LCORL: variants seen among roughly 807,000 people sequenced by gnomAD.
The protein encoded by LCORL is ligand-dependent nuclear receptor corepressor-like protein.
LCORL carries 41 observed loss-of-function variants against 141.8 expected under a neutral mutation model. The ratio of observed to expected loss-of-function variants is 0.29; its 90% CI spans 0.23 to 0.38. LCORL has a LOEUF of 0.38. Ranked by LOEUF, LCORL falls within the 10% of genes least tolerant of loss-of-function variation. The pLI, the probability that LCORL is intolerant of heterozygous loss-of-function variation, is 1.00. For synonymous variants in LCORL, 618 were observed against 694.1 expected (o/e 0.89, Z 1.72); for missense variants, 1,759 against 2,035.0 (o/e 0.86, Z 2.61).
chr4:17,908,325 C>T (rs1054194649), intron 5 of LCORL, among the ~76,000 whole-genome samples: 1 of 152,206 alleles, frequency 6.6e-6, no homozygotes, highest in African/African-American at 2.4e-5. Context: ...AGCCAGCGCG[C>T]CTGGCCTAAC....
At chr4:17,976,053 TTGTGTCTAC>T (rs1488588324) in intron 1 of LCORL, among the ~76,000 whole-genome samples, 1 of 152,190 alleles carries the variant, frequency 6.6e-6, no homozygotes, top group African/African-American at 2.4e-5. Context: ...CCTTGTTCTA[TTGTGTCTAC>T]TGTTATATCA....
chr4:17,852,076 A>T (rs1023078527), intron 7 of LCORL, among the ~76,000 whole-genome samples: 1 of 152,060 alleles, frequency 6.6e-6, no homozygotes, highest in South Asian at 2.1e-4. Flanking sequence ...ATTAGTTTAT[A>T]TCTCTTATGG....
exon 4 of LCORL, chr4:17,961,940 T>C (rs1233364886): frequency 6.2e-7 from 1 of 1,610,882 alleles, no homozygotes; most frequent in Non-Finnish European, 8.5e-7. Flanking sequence ...AATTTTCTGC[T>C]TGGCATTCAA....
Position 17,884,121 on chromosome 4 carries a change from C to T in LCORL, c.776+1947G>A, listed in dbSNP as rs1449055918. The T allele has an allele frequency of 6.4e-7, 1 of 1,550,678 alleles. No individual in the cohort carries two copies. The highest frequency in any genetic ancestry group is 8.7e-7 in the Non-Finnish European group (1 of 1,146,380). Reference sequence around the variant, plus strand: ...TAAGAGTCAACACTTGAGTGAGTTACAGGCCCAGAACATTCTATTTTGTTC... The same window carrying T: ...TAAGAGTCAACACTTGAGTGAGTTATAGGCCCAGAACATTCTATTTTGTTC... On this transcript the variant is annotated intron_variant, in intron 6 of 7. Coordinates refer to ENST00000635767, the Ensembl canonical transcript of LCORL. This position sits in a 1 kb window ranked among gnomAD's most constrained non-coding sequence, Gnocchi z 4.4.
chr4:17,850,425 A>C (rs1183507161), intron 7 of LCORL, among the ~76,000 whole-genome samples: 1 of 151,532 alleles, frequency 6.6e-6, no homozygotes, highest in Non-Finnish European at 1.5e-5. Flanking sequence ...GAACTCAAAC[A>C]AATTTACAAG....
chr4:18,005,875 G>A lies in LCORL; in HGVS notation c.154+15723C>T, dbSNP rs551712713. Among the ~76,000 whole-genome samples, 343 of 152,296 alleles carry A rather than the reference G, an allele frequency of 2.3e-3. 1 individual carries two copies. Among genetic ancestry groups the A allele is most frequent in the South Asian group, 5.6e-3 (27 of 4,820 alleles). On this transcript the variant is annotated intron_variant, in intron 1 of 7. Transcript: ENST00000635767. The stretch of plus-strand genomic sequence containing the variant: ...TGGGCCTGTGATGGCAGGGGCTTCC[G>A]TGAAGACCTCTGACATGCCCTGGAG...
At chr4:18,009,817 T>G (rs1205680451) in intron 1 of LCORL, among the ~76,000 whole-genome samples, 1 of 152,040 alleles carries the variant, frequency 6.6e-6, no homozygotes, top group East Asian at 1.9e-4. Context: ...GGAGAGGTGC[T>G]CCTTACCCTT....
rs1445651575 is a variant in LCORL, at chr4:18,021,145, G to C, written c.154+453C>G. Among the ~76,000 whole-genome samples, 1 of 152,000 alleles carries C rather than the reference G, an allele frequency of 6.6e-6. No homozygotes were observed. The highest frequency in any genetic ancestry group is 1.9e-4 in the East Asian group (1 of 5,168). On this transcript the variant is annotated intron_variant, in intron 1 of 7. Coordinates refer to ENST00000635767, the Ensembl canonical transcript of LCORL. This position sits in a 1 kb window ranked among gnomAD's most constrained non-coding sequence, Gnocchi z 5.5. ...CCCGGCCCCCGGCGGCGACAAGGGG[G>C]TGTGTGTGCGCTCGGCGGGGGCGCG...
chr4:17,844,800 C>T (rs1353154954), exon 8 of LCORL: 1 of 152,340 alleles, frequency 6.6e-6, no homozygotes, highest in Admixed American at 6.5e-5. Flanking sequence ...GAGCCATGTT[C>T]TCATGTGGTT....
At chr4:18,014,097 C>T (rs539384538) in intron 1 of LCORL, among the ~76,000 whole-genome samples, 2 of 152,068 alleles carry the variant, frequency 1.3e-5, no homozygotes, top group South Asian at 2.1e-4. Context: ...GATGGGCCAC[C>T]GTGCCCGGCC....
chr4:17,989,299 T>C (rs1275776729), intron 1 of LCORL, among the ~76,000 whole-genome samples: 2 of 152,250 alleles, frequency 1.3e-5, no homozygotes, highest in Non-Finnish European at 2.9e-5. Flanking sequence ...CATACTATAC[T>C]TGTCATAGAT....
intron 4 of LCORL, among the ~76,000 whole-genome samples, chr4:17,945,834 A>T (rs542757394): frequency 1.8e-4 from 28 of 151,994 alleles, no homozygotes; most frequent in Non-Finnish European, 3.7e-4. Flanking sequence ...TAGGCAAAAT[A>T]ATTGTCACAG....
At chr4:17,989,280 T>C (rs1719560225) in intron 1 of LCORL, among the ~76,000 whole-genome samples, 1 of 152,268 alleles carries the variant, frequency 6.6e-6, no homozygotes, top group Non-Finnish European at 1.5e-5. Context: ...TTCTAACATT[T>C]TGAAGTCACA....
At chr4:17,912,066 C>A in intron 4 of LCORL, 1 of 705,184 alleles carries the variant, frequency 1.4e-6, no homozygotes, top group South Asian at 1.4e-5. Context: ...GACCCCAGGT[C>A]AGAGACTGGA....
exon 7 of LCORL, chr4:17,877,005 G>A: frequency 4.1e-6 from 5 of 1,230,520 alleles, no homozygotes; most frequent in Non-Finnish European, 5.1e-6. Flanking sequence ...TTTGTCTGAT[G>A]AAGATATCTC....
rs1727985330 is a variant in LCORL at position 17,884,223 on chromosome 4, T to C, written c.776+1845A>G. On this transcript the variant is annotated intron_variant, in intron 6 of 7. Transcript: ENST00000635767. This position sits in a 1 kb window ranked among gnomAD's most constrained non-coding sequence, Gnocchi z 4.4. ...GAAGAGGTTTTGGAAACTTGATACA[T>C]AACATCCAACAGACCAGAACCATCA... is the stretch of plus-strand genomic sequence containing the variant. 1 of 1,549,976 alleles carries C rather than the reference T, an allele frequency of 6.5e-7. No homozygotes were observed. The highest frequency in any genetic ancestry group is 2.4e-5 in the East Asian group (1 of 40,888).
intron 4 of LCORL, among the ~76,000 whole-genome samples, chr4:17,945,914 T>A (rs1298818544): frequency 6.6e-6 from 1 of 151,872 alleles, no homozygotes; most frequent in African/African-American, 2.4e-5. Context: ...TTTAAACACA[T>A]TTAAATACCA....
intron 1 of LCORL, among the ~76,000 whole-genome samples, chr4:17,986,824 G>A (rs1719056678): frequency 6.6e-6 from 1 of 151,952 alleles, no homozygotes; most frequent in Non-Finnish European, 1.5e-5. Flanking sequence ...AAGAATTCAG[G>A]CATAGTTTTA....
chr4:17,879,971 T>C (rs1056100022), intron 6 of LCORL, among the ~76,000 whole-genome samples: 28 of 151,096 alleles, frequency 1.9e-4, no homozygotes, highest in African/African-American at 6.8e-4. Flanking sequence ...TCTGAAACAA[T>C]GTTATAATAC....
Sources: allele counts gnomAD v4.1 joint callset (sites outside exome capture counted in the v4.1 genomes callset), GRCh38; gene constraint gnomAD v4.1.1; non-coding constraint Gnocchi (gnomAD v3.1); transcripts MANE v1.5; gene names NCBI Gene and HGNC (gene_info 2026-07-23, HGNC 2026-07-21).